DIAPH3: variants seen among roughly 807,000 people sequenced by gnomAD.
DIAPH3 encodes protein diaphanous homolog 3.
A neutral mutation model predicts 144.3 loss-of-function variants in DIAPH3; 117 were observed. The ratio of observed to expected loss-of-function variants is 0.81; its 90% CI spans 0.70 to 0.95. DIAPH3 has a LOEUF of 0.95. Ranked by LOEUF, DIAPH3 falls within the 40% of genes least tolerant of loss-of-function variation. DIAPH3 has a pLI of 0.00. For synonymous variants in DIAPH3, 519 were observed against 488.9 expected, an observed-to-expected ratio of 1.06 and a Z score of -0.81; for missense variants, 1,421 against 1,412.7, an observed-to-expected ratio of 1.01 and a Z score of -0.09.
At chr13:60,053,156 T>A (rs984545655) in intron 4 of DIAPH3, among the ~76,000 whole-genome samples, 9 of 151,600 alleles carry the variant, frequency 5.9e-5, no homozygotes, top group Non-Finnish European at 8.8e-5. Context: ...ACAAGAATAA[T>A]CAGAAATACT....
intron 4 of DIAPH3, among the ~76,000 whole-genome samples, chr13:60,090,723 C>A (rs1016713484): frequency 6.6e-6 from 1 of 152,182 alleles, no homozygotes; most frequent in East Asian, 1.9e-4. Flanking sequence ...GTTTCTACTT[C>A]CAGAGCAAAA....
chr13:60,000,840 T>G (rs1333186377), intron 9 of DIAPH3, among the ~76,000 whole-genome samples: 1 of 152,186 alleles, frequency 6.6e-6, no homozygotes, highest in Admixed American at 6.5e-5. Flanking sequence ...GAAAATATTC[T>G]TGAGGTATTT....
intron 9 of DIAPH3, among the ~76,000 whole-genome samples, chr13:60,003,868 C>A (rs185399137): frequency 6.6e-6 from 1 of 152,152 alleles, no homozygotes; most frequent in Non-Finnish European, 1.5e-5. Flanking sequence ...ACGTGGGCCA[C>A]CACGCACGGC....
chr13:59,964,167 G>A (rs2049922840), intron 17 of DIAPH3, among the ~76,000 whole-genome samples: 1 of 152,072 alleles, frequency 6.6e-6, no homozygotes, highest in Non-Finnish European at 1.5e-5. Flanking sequence ...GTTAAGGGAT[G>A]ATAGCTACGG....
chr13:59,995,925 T>C (rs1020378134), intron 9 of DIAPH3, among the ~76,000 whole-genome samples: 3 of 152,016 alleles, frequency 2.0e-5, no homozygotes, highest in African/African-American at 7.2e-5. Flanking sequence ...TAGGGCATTT[T>C]CAACCGTAGG....
chr13:59,957,495 G>A (rs2049479629), intron 17 of DIAPH3, among the ~76,000 whole-genome samples: 1 of 152,136 alleles, frequency 6.6e-6, no homozygotes, highest in Admixed American at 6.5e-5. Flanking sequence ...GTGGAACTCT[G>A]AGGCCATTAA....
chr13:59,971,081 G>A lies in DIAPH3; in HGVS notation c.1730C>T (p.Pro577Leu), dbSNP rs2050343762. Residue 577 changes from proline (P) to leucine (L), a missense_variant, in exon 16 of 28, where the codon CCT becomes CTT. Pro to Leu is a moderately conservative substitution (Grantham distance 98). Transcript: ENST00000400324. Reference protein sequence around the residue: ...EGGTGHSALPPPPPLPSGGGV... With the variant: ...EGGTGHSALPLPPPLPSGGGV... ...TCCACCAGAAGGCAGTGGAGGCGGA[G>A]GAGGAAGTGCTGAGTGGCCAGTTCC... 2.5e-6 allele frequency: 4 copies of A among 1,613,280 alleles called. No individual in the cohort carries two copies. The highest frequency in any genetic ancestry group is 2.7e-5 in the African/African-American group (2 of 74,890).
At chr13:60,135,070 A>G (rs927101799) in intron 1 of DIAPH3, among the ~76,000 whole-genome samples, 3 of 152,132 alleles carry the variant, frequency 2.0e-5, no homozygotes, top group Non-Finnish European at 4.4e-5. Context: ...AGGAAATGTA[A>G]GTTACATGAT....
chr13:60,081,692 C>T (rs1305267475), intron 4 of DIAPH3, among the ~76,000 whole-genome samples: 3 of 151,952 alleles, frequency 2.0e-5, no homozygotes, highest in Non-Finnish European at 4.4e-5. Context: ...GCCACAAATC[C>T]GCACAGTAGC....
At chr13:60,035,892 G>C (rs2055175598) in intron 5 of DIAPH3, among the ~76,000 whole-genome samples, 1 of 152,166 alleles carries the variant, frequency 6.6e-6, no homozygotes, top group African/African-American at 2.4e-5. Flanking sequence ...ATTTACCAGA[G>C]ATGTTTCTAC....
chr13:60,036,779 A>G (rs1312327544), intron 5 of DIAPH3, among the ~76,000 whole-genome samples: 1 of 152,106 alleles, frequency 6.6e-6, no homozygotes, highest in Non-Finnish European at 1.5e-5. Context: ...ATGCAAATCT[A>G]AAAAACATAT....
chr13:59,869,104 T>G (rs1318674515), intron 21 of DIAPH3, among the ~76,000 whole-genome samples: 1 of 152,212 alleles, frequency 6.6e-6, no homozygotes, highest in Non-Finnish European at 1.5e-5. Flanking sequence ...CTGGATGGTT[T>G]GTTCTACGTG....
rs765722512 is a variant in DIAPH3, at chr13:59,861,415, G to C, written c.2729C>G (p.Ala910Gly). 1 of 1,613,712 alleles carries C rather than the reference G, an allele frequency of 6.2e-7. No individual in the cohort carries two copies. The highest frequency in any genetic ancestry group is 8.5e-7 in the Non-Finnish European group (1 of 1,179,868). The change falls in exon 22 of 28, where the codon GCT becomes GGT. Residue 910 changes from alanine to glycine, a missense_variant. By Grantham distance (60) the Ala-to-Gly change is moderately conservative (BLOSUM62 0). Coordinates refer to ENST00000400324, the MANE Select transcript of DIAPH3 (RefSeq NM_001042517.2). ...FVDDLEPLDK[A>G]SKVSVETLEK... is the part of the protein sequence containing the mutation. ...CTTAAAAAGGCACAAACCTTTACTAGCTTTGTCTAAAGGTTCCAAATCATC... is the reference window on the plus strand; with the variant it reads ...CTTAAAAAGGCACAAACCTTTACTACCTTTGTCTAAAGGTTCCAAATCATC...
At chr13:60,055,417 T>C (rs992570141) in intron 4 of DIAPH3, among the ~76,000 whole-genome samples, 4 of 151,954 alleles carry the variant, frequency 2.6e-5, no homozygotes, top group Non-Finnish European at 5.9e-5. Flanking sequence ...ATTTAAGAAG[T>C]GTTGCTTCAA....
chr13:59,826,935 G>T (rs2041467181), intron 24 of DIAPH3, among the ~76,000 whole-genome samples: 1 of 151,538 alleles, frequency 6.6e-6, no homozygotes, highest in Admixed American at 6.6e-5. Context: ...ATGGGGAAAG[G>T]ATTCCCTATT....
chr13:60,029,366 C>G (rs1246791926), intron 5 of DIAPH3, among the ~76,000 whole-genome samples: 1 of 152,120 alleles, frequency 6.6e-6, no homozygotes, highest in African/African-American at 2.4e-5. Flanking sequence ...TTCTTGTCCA[C>G]TCTCTCCTCC....
At chr13:59,930,288 A>G (rs2047962229) in intron 17 of DIAPH3, among the ~76,000 whole-genome samples, 1 of 152,224 alleles carries the variant, frequency 6.6e-6, no homozygotes. Context: ...CCTTGCCTCA[A>G]AGAATTTAAG....
intron 3 of DIAPH3, among the ~76,000 whole-genome samples, chr13:60,099,405 G>A (rs936606032): frequency 5.9e-5 from 9 of 152,090 alleles, no homozygotes; most frequent in Admixed American, 2.6e-4. Flanking sequence ...GGTGGGATGC[G>A]AAAACACAAA....
At chr13:59,825,312 T>C (rs1389126513) in intron 24 of DIAPH3, among the ~76,000 whole-genome samples, 1 of 152,134 alleles carries the variant, frequency 6.6e-6, no homozygotes, top group Non-Finnish European at 1.5e-5. Flanking sequence ...CTTGCGATAG[T>C]TTACTGAGAA....
Sources: allele counts gnomAD v4.1 joint callset (sites outside exome capture counted in the v4.1 genomes callset), GRCh38; gene constraint gnomAD v4.1.1; transcripts MANE v1.5; gene names NCBI Gene and HGNC (gene_info 2026-07-23, HGNC 2026-07-21).